The following COQ4 variants were observed in gnomAD, a reference collection of about 807,000 sequenced individuals.
The protein encoded by COQ4 is ubiquinone biosynthesis protein COQ4 homolog, mitochondrial.
In COQ4, 36 loss-of-function variants were observed where a neutral mutation model predicts 30.2. The observed-to-expected ratio is 1.19, with a 90% CI of 0.91 to 1.57. COQ4 has a LOEUF of 1.57. COQ4 is among the 40% of genes most tolerant of loss of function. The pLI is 0.00. For missense variants in COQ4, 369 were observed against 371.9 expected, an observed-to-expected ratio of 0.99 and a Z score of 0.07; for synonymous variants, 197 against 161.0, an observed-to-expected ratio of 1.22 and a Z score of -1.69.
rs113095111 is a variant in COQ4 at position 128,331,975 on chromosome 9, C to T, written c.403-178C>T. ...AACTCCTGATCTCAGGTGATCCGCC[C>T]ACCTTAGCCTCCCAAAGTGCTGGGA... is the stretch of plus-strand genomic sequence containing the variant. On this transcript the variant is annotated intron_variant, in intron 4 of 6. Coordinates refer to ENST00000300452, the MANE Select transcript of COQ4 (RefSeq NM_016035.5). The T allele has an allele frequency of 5.7e-4, 351 of 617,992 alleles. 1 individual carries two copies. In the African/African-American group the frequency reaches 6.0e-3, roughly 11 times the overall value. The allele number at this position is 617,992 out of a possible 1,614,324, so 38.3% of individuals were successfully genotyped here. A position where few individuals can be genotyped will look rare whatever the true frequency, so the allele number is the denominator to read the frequency against.
At chr9:128,329,168 C>G (rs1379297928) in intron 4 of COQ4, among the ~76,000 whole-genome samples, 1 of 152,104 alleles carries the variant, frequency 6.6e-6, no homozygotes, top group Non-Finnish European at 1.5e-5. Flanking sequence ...CTGGACAAAT[C>G]CTTTGACCTC....
Position 128,333,646 on chromosome 9 carries a change from GCTC to G in COQ4, c.*4_*6del. On this transcript the variant is annotated 3_prime_UTR_variant, in exon 7 of 7. Coordinates refer to ENST00000300452, the MANE Select transcript of COQ4 (RefSeq NM_016035.5). ...CATGCACGTCCAGGGCTTGGCCTGA[GCTC>G]CTGAGCCAGCGGGGCCTGGCCTACC... 3 of 1,539,860 alleles carry G rather than the reference GCTC, an allele frequency of 1.9e-6. No individual in the cohort carries two copies. In the Middle Eastern group the frequency reaches 5.3e-4, roughly 270 times the overall value.
chr9:128,331,408 CCT>C (rs1832404852), intron 4 of COQ4: 1 of 151,758 alleles, frequency 6.6e-6, no homozygotes, highest in Admixed American at 6.6e-5. Context: ...TTAGGGGTGG[CCT>C]CTCTGTGGTG....
At position 128,322,923 on chromosome 9, in the gene COQ4, C is replaced by A; in HGVS notation, c.65C>A (p.Ala22Glu). ...LCGLPGLQRP[A>E]AEMPLRARSD... ...GGGCTCCCGGGCCTACAGCGGCCTG[C>A]GGCAGGCAAGTGGCGCCGGGTTCTG... The change falls in exon 1 of 7, where the codon GCG (alanine) becomes GAG (glutamate). Residue 22 changes from alanine to glutamate, a missense_variant. Transcript: ENST00000300452. 6.3e-7 allele frequency: 1 copy of A among 1,599,858 alleles called. No individual in the cohort carries two copies.
intron 2 of COQ4, among the ~76,000 whole-genome samples, chr9:128,324,416 C>T (rs1272429830): frequency 6.6e-6 from 1 of 152,186 alleles, no homozygotes; most frequent in East Asian, 1.9e-4. Flanking sequence ...AGCCGCTACA[C>T]TTGGCCACTA....
chr9:128,332,054 A>C, intron 4 of COQ4, 99 bp from the exon 5 acceptor site: 5 of 1,363,026 alleles, frequency 3.7e-6, no homozygotes, highest in Non-Finnish European at 5.0e-6. Flanking sequence ...TCTAGTAGGT[A>C]TGAGTTAGGT....
intron 4 of COQ4, chr9:128,326,389 G>A (rs148781575): frequency 6.2e-6 from 1 of 161,644 alleles, no homozygotes; most frequent in Non-Finnish European, 1.3e-5. Context: ...GACAAGGAGA[G>A]GGGGAAAGGG....
Position 128,333,920 on chromosome 9 carries a change from G to T in COQ4, c.*275G>T. ...TGGGCTCATGCTGGGATGTCGCAGT[G>T]CTCCTGTTGCAACTCCTCCCAGCCA... On this transcript the variant is annotated 3_prime_UTR_variant, in exon 7 of 7. Transcript: ENST00000300452. 3.7e-6 allele frequency: 1 copy of T among 270,362 alleles called. No individual in the cohort carries two copies. Among genetic ancestry groups the T allele is most frequent in the Non-Finnish European group, 6.9e-6 (1 of 144,332 alleles). The allele number at this position is 270,362 out of a possible 1,614,324, so 16.7% of individuals were successfully genotyped here. A position where few individuals can be genotyped will look rare whatever the true frequency, so the allele number is the denominator to read the frequency against.
chr9:128,329,118 C>T (rs1183005969), intron 4 of COQ4, among the ~76,000 whole-genome samples: 3 of 152,158 alleles, frequency 2.0e-5, no homozygotes, highest in Non-Finnish European at 4.4e-5. Context: ...TTAGGAGGAG[C>T]CTGAGTGAGA....
At chr9:128,325,390 G>A (rs1832300455) in intron 3 of COQ4, 151 bp downstream of exon 3, 1 of 624,916 alleles carries the variant, frequency 1.6e-6, no homozygotes, top group African/African-American at 1.8e-5. Flanking sequence ...CAATTCCAGG[G>A]GTGTCATTCA....
chr9:128,325,305 C>T (rs1832299618), intron 3 of COQ4, 66 bp downstream of exon 3: 6 of 1,144,168 alleles, frequency 5.2e-6, no homozygotes, highest in Non-Finnish European at 7.7e-6. Flanking sequence ...TCTAGAATCA[C>T]ATTGTGTTTG....
In COQ4 at chr9:128,323,009, C is replaced by T; in HGVS notation, c.71-7C>T. ...CCTCTGACCTCGGCCTTTTTCTTGCCCCGCAGAAATGCCCCTCCGGGCTAG... is the reference window on the plus strand; with the variant it reads ...CCTCTGACCTCGGCCTTTTTCTTGCTCCGCAGAAATGCCCCTCCGGGCTAG... On this transcript the variant is annotated splice_region_variant and splice_polypyrimidine_tract_variant and intron_variant, in intron 1 of 6. Coordinates refer to ENST00000300452, the MANE Select transcript of COQ4 (RefSeq NM_016035.5). The T allele has an allele frequency of 6.2e-7, 1 of 1,611,360 alleles. No individual in the cohort carries two copies. The highest frequency in any genetic ancestry group is 8.5e-7 in the Non-Finnish European group (1 of 1,179,764).
intron 5 of COQ4, 103 bp from the exon 6 acceptor site, chr9:128,332,747 T>G: frequency 1.1e-6 from 1 of 915,392 alleles, no homozygotes; most frequent in Non-Finnish European, 1.8e-6. Flanking sequence ...GCTGACCCCG[T>G]AGAGATTAGG....
chr9:128,323,233 C>T, intron 2 of COQ4, 86 bp downstream of exon 2: 1 of 1,355,396 alleles, frequency 7.4e-7, no homozygotes, highest in Non-Finnish European at 9.8e-7. Flanking sequence ...GTCGGGGTAC[C>T]CAAACCTGGT....
At chr9:128,329,099 G>A (rs183975660) in intron 4 of COQ4, among the ~76,000 whole-genome samples, 1 of 152,314 alleles carries the variant, frequency 6.6e-6, no homozygotes. Context: ...ACAGGCATGG[G>A]CTTGAGAATT....
intron 5 of COQ4, 84 bp from the exon 6 acceptor site, chr9:128,332,766 G>A (rs1832436224): frequency 9.8e-7 from 1 of 1,021,652 alleles, no homozygotes; most frequent in East Asian, 2.4e-5. Context: ...GGGAGGAACA[G>A]TGCCTCTCTT....
At chr9:128,324,158 T>C (rs1182761039) in intron 2 of COQ4, among the ~76,000 whole-genome samples, 1 of 152,114 alleles carries the variant, frequency 6.6e-6, no homozygotes, top group Non-Finnish European at 1.5e-5. Flanking sequence ...GTTGTATTTT[T>C]AGTAGAGACG....
intron 4 of COQ4, chr9:128,330,921 T>A (rs1193928208): frequency 6.7e-6 from 1 of 149,332 alleles, no homozygotes; most frequent in African/African-American, 2.5e-5. Context: ...CGCTGCAAGC[T>A]CCGCCTCCCG....
At chr9:128,324,275 G>A (rs542994691) in intron 2 of COQ4, among the ~76,000 whole-genome samples, 7 of 148,824 alleles carry the variant, frequency 4.7e-5, no homozygotes, top group South Asian at 2.4e-4. Flanking sequence ...CACCACGCCC[G>A]GCCAAGACCA....
Sources: allele counts gnomAD v4.1 joint callset (sites outside exome capture counted in the v4.1 genomes callset), GRCh38; gene constraint gnomAD v4.1.1; transcripts MANE v1.5; gene names NCBI Gene and HGNC (gene_info 2026-07-23, HGNC 2026-07-21).